NTMT1: variants seen among roughly 807,000 people sequenced by gnomAD.
NTMT1 encodes N-terminal Xaa-Pro-Lys N-methyltransferase 1.
A neutral mutation model predicts 17.5 loss-of-function variants in NTMT1; 8 were observed. That is an observed-to-expected ratio of 0.46 (90% CI 0.27 to 0.82). The LOEUF (loss-of-function observed/expected upper bound fraction) is 0.82, where lower values mean the gene tolerates loss of function less well. NTMT1 is among the 40% of genes least tolerant of loss of function. NTMT1 has a pLI of 0.15. For synonymous variants in NTMT1, 128 were observed against 126.8 expected (o/e 1.01, Z -0.06); for missense variants, 221 against 303.5 (o/e 0.73, Z 2.02).
intron 1 of NTMT1, among the ~76,000 whole-genome samples, chr9:129,621,034 T>C (rs1218955525): frequency 6.6e-6 from 1 of 152,212 alleles, no homozygotes; most frequent in Non-Finnish European, 1.5e-5. Context: ...GTCTGCAGAA[T>C]GGGGATAATA....
intron 1 of NTMT1, among the ~76,000 whole-genome samples, chr9:129,630,420 G>T (rs1457271446): frequency 1.3e-5 from 2 of 152,104 alleles, no homozygotes; most frequent in Non-Finnish European, 2.9e-5. Flanking sequence ...GCGACAGTGA[G>T]ACCCTTTCTA....
upstream of NTMT1, chr9:129,626,155 A>G (rs995273009): frequency 3.9e-5 from 6 of 152,260 alleles, no homozygotes; most frequent in African/African-American, 1.4e-4. Context: ...ACGTTGGCGG[A>G]CAAAGGCAGC....
Position 129,614,858 on chromosome 9 carries a change from C to T in NTMT1, c.-55+5680C>T, listed in dbSNP as rs1220700. Reference sequence around the variant, plus strand: ...TGGAGCTTGCAGCGAGCCGAGATCGCGCCACTGCACTCCAGCCTGGGCGAC... The same window carrying T: ...TGGAGCTTGCAGCGAGCCGAGATCGTGCCACTGCACTCCAGCCTGGGCGAC... On this transcript the variant is annotated intron_variant, in intron 1 of 3. Coordinates refer to the NTMT1 transcript ENST00000372486. This position sits in a 1 kb window ranked among gnomAD's most constrained non-coding sequence, Gnocchi z 4.4. Among the ~76,000 whole-genome samples, 7,566 of 151,942 alleles carry T rather than the reference C, an allele frequency of 0.05. 290 individuals carry two copies. Among genetic ancestry groups the T allele is most frequent in the African/African-American group, 0.11 (4,498 of 41,360 alleles).
intron 1 of NTMT1, chr9:129,619,440 C>G: frequency 9.9e-7 from 1 of 1,006,602 alleles, no homozygotes; most frequent in East Asian, 2.4e-5. Flanking sequence ...TGAATACATT[C>G]ATGGGCGAAA....
chr9:129,619,979 G>T (rs577950105), intron 1 of NTMT1: 2 of 1,454,642 alleles, frequency 1.4e-6, no homozygotes, highest in Admixed American at 2.1e-5. Context: ...TCTAGCCTGG[G>T]TGGTGGGGTG....
intron 1 of NTMT1, among the ~76,000 whole-genome samples, chr9:129,610,103 G>GA (rs1469291545): frequency 2.7e-5 from 4 of 150,172 alleles, no homozygotes; most frequent in Admixed American, 1.3e-4. Context: ...CTCCATCTGT[G>GA]GTCTGCGGGG....
Position 129,632,840 on chromosome 9 carries a change from G to C in NTMT1, c.137G>C (p.Arg46Pro). The change falls in exon 2 of 4, where the codon CGG becomes CCG. Residue 46 changes from arginine (R) to proline (P), a missense_variant. Physicochemically the swap from Arg to Pro is moderately radical, Grantham distance 103 (BLOSUM62 -2). Transcript: ENST00000372483. ...HISSIDINSSRKFLQRFLREG... is the reference protein window; with the variant it reads ...HISSIDINSSPKFLQRFLREG... ...TCCAGCATCGACATCAACAGCTCCCGGAAGTTTCTGCAGAGGTTTTTGAGG... is the reference window on the plus strand; with the variant it reads ...TCCAGCATCGACATCAACAGCTCCCCGAAGTTTCTGCAGAGGTTTTTGAGG... The C allele has an allele frequency of 1.2e-6, 2 of 1,614,150 alleles. No individual in the cohort carries two copies. The highest frequency in any genetic ancestry group is 1.3e-5 in the African/African-American group (1 of 75,034).
chr9:129,613,192 G>C lies in NTMT1; in HGVS notation c.-55+4014G>C, dbSNP rs1269068328. On this transcript the variant is annotated intron_variant, in intron 1 of 3. Transcript: ENST00000372486. This position sits in a 1 kb window ranked among gnomAD's most constrained non-coding sequence, Gnocchi z 6.2. Reference sequence around the variant, plus strand: ...AGCGGCCTTCTTCCATGAACAGAAGGGCAGGCTGCTGTTCATGGAGGTGTC... The same window carrying C: ...AGCGGCCTTCTTCCATGAACAGAAGCGCAGGCTGCTGTTCATGGAGGTGTC... The C allele has an allele frequency of 6.2e-7, 1 of 1,613,646 alleles. No homozygotes were observed. Among genetic ancestry groups the C allele is most frequent in the East Asian group, 2.2e-5 (1 of 44,872 alleles).
intron 1 of NTMT1, among the ~76,000 whole-genome samples, chr9:129,631,846 G>A (rs1384194364): frequency 2.0e-5 from 3 of 152,206 alleles, no homozygotes; most frequent in Non-Finnish European, 4.4e-5. Flanking sequence ...GTGCTCTGCT[G>A]GCACTGGCGC....
At chr9:129,610,488 C>T (rs936901327) in intron 1 of NTMT1, among the ~76,000 whole-genome samples, 1 of 151,762 alleles carries the variant, frequency 6.6e-6, no homozygotes, top group African/African-American at 2.4e-5. Context: ...AGTTGGGGGG[C>T]GGGGGCGGCG....
rs1588147105 is a variant in NTMT1, at chr9:129,635,634, C to G, written c.*170C>G. 1.2e-6 allele frequency: 1 copy of G among 832,654 alleles called. No homozygotes were observed. The highest frequency in any genetic ancestry group is 1.7e-5 in the South Asian group (1 of 58,690). The allele number at this position is 832,654 out of a possible 1,614,324, so 51.6% of individuals were successfully genotyped here. On this transcript the variant is annotated 3_prime_UTR_variant, in exon 4 of 4. Coordinates refer to ENST00000372483, the MANE Select transcript of NTMT1 (RefSeq NM_014064.4). ...CTCTTCTTCAAAAGGCAAGGTGGGACCCGGCGGGGAGGGTGCTGCTGAACC... is the reference window on the plus strand; with the variant it reads ...CTCTTCTTCAAAAGGCAAGGTGGGAGCCGGCGGGGAGGGTGCTGCTGAACC...
chr9:129,633,574 T>C (rs1831315786), intron 2 of NTMT1: 2 of 156,196 alleles, frequency 1.3e-5, no homozygotes, highest in Non-Finnish European at 2.8e-5. Flanking sequence ...TCCCAGCCCC[T>C]TGGGATGCCA....
chr9:129,633,134 G>A (rs1564348731), intron 2 of NTMT1: 10 of 489,764 alleles, frequency 2.0e-5, no homozygotes, highest in Non-Finnish European at 3.6e-5. Context: ...CAACTGTTGG[G>A]TTTTGCCAGG....
chr9:129,618,861 T>A (rs1397888737), intron 1 of NTMT1, among the ~76,000 whole-genome samples: 1 of 88,822 alleles, frequency 1.1e-5, no homozygotes, highest in African/African-American at 4.9e-5. Flanking sequence ...CCCGGCTAAT[T>A]TTTTGTGTTT....
intron 1 of NTMT1, among the ~76,000 whole-genome samples, chr9:129,630,359 G>C (rs1388299262): frequency 6.6e-6 from 1 of 152,082 alleles, no homozygotes; most frequent in African/African-American, 2.4e-5. Context: ...TGCAGTCCCA[G>C]CTACCCTGGA....
rs771623082 is a variant in NTMT1 at position 129,632,727 on chromosome 9, C to T, written c.24C>T (p.Asp8=). 8.7e-6 allele frequency: 14 copies of T among 1,613,876 alleles called. No homozygotes were observed. The highest frequency in any genetic ancestry group is 5.5e-5 in the South Asian group (5 of 91,060). ...GCATGACGAGCGAGGTGATAGAAGA[C>T]GAGAAGCAATTCTATTCCAAGGCCA... MTSEVIE[D]EKQFYSKAKT... is the part of the protein sequence containing the mutation. Residue 8 remains aspartate (D), a synonymous_variant, in exon 2 of 4, where the codon GAC becomes GAT. Transcript: ENST00000372483.
rs778464626 is a variant in NTMT1 at position 129,634,169 on chromosome 9, C to T, written c.278C>T (p.Thr93Met). Residue 93 changes from threonine (T) to methionine (M), a missense_variant, in exon 3 of 4, where the codon ACG becomes ATG. Physicochemically the swap from Thr to Met is moderately conservative, Grantham distance 81 (BLOSUM62 -1). Coordinates refer to ENST00000372483, the MANE Select transcript of NTMT1 (RefSeq NM_014064.4). ...LFREVDMVDI[T>M]EDFLVQAKTY... is the part of the protein sequence containing the mutation. ...AGAGAGGTGGATATGGTCGACATAACGGAGGACTTCCTGGTTCAAGCCAAG... is the reference window on the plus strand; with the variant it reads ...AGAGAGGTGGATATGGTCGACATAATGGAGGACTTCCTGGTTCAAGCCAAG... 14 of 1,614,014 alleles carry T rather than the reference C, an allele frequency of 8.7e-6. No individual in the cohort carries two copies. Among genetic ancestry groups the T allele is most frequent in the East Asian group, 6.7e-5 (3 of 44,894 alleles).
In NTMT1 at chr9:129,620,710, G is replaced by C. The variant is rs578202793; in HGVS notation, c.-55+11532G>C. The C allele has an allele frequency of 1.3e-6, 1 of 772,788 alleles. No individual in the cohort carries two copies. The highest frequency in any genetic ancestry group is 1.8e-5 in the African/African-American group (1 of 55,322). The allele number at this position is 772,788 out of a possible 1,614,324, so 47.9% of individuals were successfully genotyped here. ...AGCGCGGTGCGGGGTGAACGCCACC[G>C]GCCCGGCGGACAGCGAGTGGCTTCA... On this transcript the variant is annotated intron_variant, in intron 1 of 3. Transcript: ENST00000372486. The surrounding 1 kb of genome is among the most constrained non-coding windows in gnomAD (Gnocchi z 5.8).
chr9:129,620,145 C>T lies in NTMT1; in HGVS notation c.-55+10967C>T. On this transcript the variant is annotated intron_variant, in intron 1 of 3. Coordinates refer to the NTMT1 transcript ENST00000372486. The surrounding 1 kb of genome is among the most constrained non-coding windows in gnomAD (Gnocchi z 5.8). ...CGGAACCTGCTGGGGAGGAGCTCTC[C>T]TAGGAAGGCGCCCAAGAAGTCGGGG... 1 of 1,462,518 alleles carries T rather than the reference C, an allele frequency of 6.8e-7. No homozygotes were observed. The highest frequency in any genetic ancestry group is 2.7e-5 in the Admixed American group (1 of 37,480). The allele number at this position is 1,462,518 out of a possible 1,614,324, so 90.6% of individuals were successfully genotyped here. A position where few individuals can be genotyped will look rare whatever the true frequency, so the allele number is the denominator to read the frequency against.
Sources: gnomAD v4.1 joint callset for allele counts (sites outside exome capture counted in the v4.1 genomes callset) on GRCh38, gnomAD v4.1.1 for gene constraint, Gnocchi (gnomAD v3.1) non-coding constraint, MANE v1.5 for transcripts, NCBI Gene and HGNC (gene_info 2026-07-23, HGNC 2026-07-21) for gene names.